Variants in SLC9B2 observed in about 807,000 individuals in gnomAD.
SLC9B2 encodes the protein sodium/hydrogen exchanger 9B2.
A neutral mutation model predicts 52.2 loss-of-function variants in SLC9B2; 39 were observed. The observed-to-expected ratio is 0.75, with a 90% CI of 0.58 to 0.98. SLC9B2 has a LOEUF of 0.98. Among genes scored for constraint, SLC9B2 ranks in the 50% least tolerant of loss-of-function variants. The pLI, the probability that SLC9B2 is intolerant of heterozygous loss-of-function variation, is 0.00. For synonymous variants in SLC9B2, 214 were observed against 227.0 expected (o/e 0.94, Z 0.51); for missense variants, 626 against 637.5 (o/e 0.98, Z 0.19).
chr4:103,053,141 CA>C (rs1473698479), intron 4 of SLC9B2, among the ~76,000 whole-genome samples: 1 of 151,810 alleles, frequency 6.6e-6, no homozygotes, highest in Admixed American at 6.6e-5. Flanking sequence ...GAAATTTTTT[CA>C]ATAATGATTT....
chr4:103,055,803 C>CTT (rs1400053544), intron 4 of SLC9B2, among the ~76,000 whole-genome samples: 109 of 131,952 alleles, frequency 8.3e-4, no homozygotes, highest in East Asian at 4.3e-3. Context: ...ATGCAGAATT[C>CTT]TTTTTTTTTT....
At chr4:103,068,411 G>A (rs896891205) in intron 1 of SLC9B2, among the ~76,000 whole-genome samples, 1 of 152,136 alleles carries the variant, frequency 6.6e-6, no homozygotes, top group Admixed American at 6.5e-5. Context: ...GGAGTTTTGG[G>A]GGAGGCCTTT....
intron 4 of SLC9B2, among the ~76,000 whole-genome samples, chr4:103,057,273 TACACACACACACAC>T (rs1553917193): frequency 2.1e-5 from 3 of 143,194 alleles, no homozygotes; most frequent in South Asian, 2.2e-4. Context: ...TATATATATA[TACACACACACACAC>T]ACATATATAC....
At chr4:103,035,737 T>C (rs569406022) in intron 9 of SLC9B2, among the ~76,000 whole-genome samples, 5 of 152,088 alleles carry the variant, frequency 3.3e-5, no homozygotes, top group Middle Eastern at 3.4e-3. Flanking sequence ...CTCAAATAAA[T>C]AGAACTACCA....
At chr4:103,069,106 A>T (rs1746398361) in intron 1 of SLC9B2, among the ~76,000 whole-genome samples, 1 of 152,170 alleles carries the variant, frequency 6.6e-6, no homozygotes, top group African/African-American at 2.4e-5. Flanking sequence ...GTTTGTATAT[A>T]TAATTTTTTA....
chr4:103,051,767 T>C (rs1744708142), intron 4 of SLC9B2, among the ~76,000 whole-genome samples: 1 of 152,240 alleles, frequency 6.6e-6, no homozygotes, highest in Admixed American at 6.5e-5. Context: ...TTTCTGTGTG[T>C]ATAAGCTCTT....
intron 8 of SLC9B2, 119 bp downstream of exon 8, chr4:103,044,771 T>C: frequency 1.2e-6 from 1 of 821,464 alleles, no homozygotes; most frequent in Non-Finnish European, 2.0e-6. Flanking sequence ...TAAGCAATTT[T>C]AAAATGAGGA....
intron 4 of SLC9B2, among the ~76,000 whole-genome samples, chr4:103,051,796 G>A (rs1054590894): frequency 6.6e-6 from 1 of 152,082 alleles, no homozygotes; most frequent in Non-Finnish European, 1.5e-5. Context: ...GACACAAATA[G>A]GACACTTATA....
At chr4:103,038,556 C>T (rs1016449600) in intron 9 of SLC9B2, among the ~76,000 whole-genome samples, 1 of 151,976 alleles carries the variant, frequency 6.6e-6, no homozygotes, top group Non-Finnish European at 1.5e-5. Context: ...AAAAGATAAG[C>T]CCAGGGTAAT....
chr4:103,052,150 C>G (rs530030196), intron 4 of SLC9B2, among the ~76,000 whole-genome samples: 27 of 152,354 alleles, frequency 1.8e-4, no homozygotes, highest in Non-Finnish European at 3.1e-4. Context: ...GATTTTTCCA[C>G]TGATGGCAGG....
At chr4:103,070,708 T>G (rs1259766818) in intron 1 of SLC9B2, among the ~76,000 whole-genome samples, 1 of 152,246 alleles carries the variant, frequency 6.6e-6, no homozygotes, top group Non-Finnish European at 1.5e-5. Flanking sequence ...CCCAAAATGC[T>G]GGGATTACAG....
intron 3 of SLC9B2, among the ~76,000 whole-genome samples, chr4:103,063,288 T>G (rs1745829230): frequency 6.6e-6 from 1 of 152,234 alleles, no homozygotes; most frequent in Non-Finnish European, 1.5e-5. Context: ...TCTGTACATG[T>G]TCTAAGTTTG....
chr4:103,018,303 G>GAGTATAAACA, downstream of SLC9B2, among the ~76,000 whole-genome samples: 1 of 152,074 alleles, frequency 6.6e-6, no homozygotes, highest in East Asian at 1.9e-4. Context: ...TATAAATTCT[G>GAGTATAAACA]GTACTCTAAA....
At chr4:103,021,348 G>A (rs573291066), downstream of SLC9B2, among the ~76,000 whole-genome samples, 224 of 152,096 alleles carry the variant, frequency 1.5e-3, no homozygotes, top group African/African-American at 5.0e-3. Flanking sequence ...ATAATATTAC[G>A]TACTCCCCAA....
At chr4:103,044,668 T>C (rs1174964877) in intron 8 of SLC9B2, among the ~76,000 whole-genome samples, 2 of 152,238 alleles carry the variant, frequency 1.3e-5, no homozygotes, top group Non-Finnish European at 1.5e-5. Context: ...ACAGTGGAAT[T>C]TGAAATGTAC....
chr4:103,018,692 C>G (rs1047093706), downstream of SLC9B2, among the ~76,000 whole-genome samples: 3 of 152,048 alleles, frequency 2.0e-5, no homozygotes. Context: ...GGTATGGTCC[C>G]GTGAAGAGCT....
intron 1 of SLC9B2, among the ~76,000 whole-genome samples, chr4:103,070,510 A>G (rs929300479): frequency 2.0e-5 from 3 of 152,158 alleles, no homozygotes; most frequent in Non-Finnish European, 4.4e-5. Flanking sequence ...GCATGATCCT[A>G]GCTCACTGCA....
intron 3 of SLC9B2, among the ~76,000 whole-genome samples, chr4:103,062,432 G>A (rs7670951): frequency 0.98 from 147,607 of 149,928 alleles, 72,659 homozygotes; most frequent in South Asian, 1. Flanking sequence ...AAAAAAAAAA[G>A]AGAGATTTTT....
intron 4 of SLC9B2, among the ~76,000 whole-genome samples, chr4:103,054,295 A>G (rs1744938777): frequency 1.3e-5 from 2 of 152,192 alleles, no homozygotes; most frequent in South Asian, 4.1e-4. Context: ...ACAAAACAAA[A>G]CAACCAATGA....
Sources: allele counts gnomAD v4.1 joint callset (sites outside exome capture counted in the v4.1 genomes callset), GRCh38; gene constraint gnomAD v4.1.1; transcripts MANE v1.5; gene names NCBI Gene and HGNC (gene_info 2026-07-23, HGNC 2026-07-21).